Variants in SEMA4D observed in about 807,000 individuals in gnomAD.
SEMA4D encodes semaphorin-4D.
Under a neutral mutation model 74.8 loss-of-function variants are expected in SEMA4D, and 22 were observed. The observed-to-expected ratio is 0.29, with a 90% CI of 0.21 to 0.42. SEMA4D has a LOEUF of 0.42. SEMA4D is among the 10% of genes least tolerant of loss of function. The probability of loss-of-function intolerance (pLI) is 1.00; values close to 1 mark genes in which losing one functional copy is unlikely to be tolerated. For missense variants in SEMA4D, 937 were observed against 1,118.4 expected, an observed-to-expected ratio of 0.84 and a Z score of 2.31; for synonymous variants, 445 against 463.7, an observed-to-expected ratio of 0.96 and a Z score of 0.52.
chr9:89,482,054 C>A (rs938751679), intron 1 of SEMA4D, among the ~76,000 whole-genome samples: 1 of 152,182 alleles, frequency 6.6e-6, no homozygotes, highest in Non-Finnish European at 1.5e-5. Flanking sequence ...GGTCACCGCC[C>A]AGACGGGTGA....
intron 2 of SEMA4D, chr9:89,418,482 T>C: frequency 1.1e-6 from 1 of 914,772 alleles, no homozygotes. Flanking sequence ...TAGCTCCAGA[T>C]ATGTATCCTT....
chr9:89,377,102 A>G, downstream of SEMA4D: 1 of 1,495,114 alleles, frequency 6.7e-7, no homozygotes, highest in East Asian at 2.5e-5. Flanking sequence ...AGAAGTCGCC[A>G]GGAGCACGTC....
At chr9:89,491,743 T>G (rs1052762278) in intron 1 of SEMA4D, among the ~76,000 whole-genome samples, 8 of 151,524 alleles carry the variant, frequency 5.3e-5, no homozygotes, top group Non-Finnish European at 2.9e-5. Flanking sequence ...GAACTGAGAG[T>G]CAGTGTTGCA....
intron 2 of SEMA4D, among the ~76,000 whole-genome samples, chr9:89,451,568 T>TA (rs1246581524): frequency 6.6e-6 from 1 of 151,926 alleles, no homozygotes; most frequent in East Asian, 1.9e-4. Flanking sequence ...ACCAGAGGAG[T>TA]AGACTGACTG....
chr9:89,368,856 G>C (rs900115237), intron 16 of SEMA4D: 1 of 152,272 alleles, frequency 6.6e-6, no homozygotes. Flanking sequence ...AGGGACCTGA[G>C]AAAGTACCAC....
At chr9:89,476,252 C>T (rs1166838751) in intron 1 of SEMA4D, among the ~76,000 whole-genome samples, 1 of 151,910 alleles carries the variant, frequency 6.6e-6, no homozygotes, top group African/African-American at 2.4e-5. Flanking sequence ...AGCAAGCTCA[C>T]ACACCTTACC....
In SEMA4D at chr9:89,387,685, G is replaced by A. The variant is rs539898267; in HGVS notation, c.1108-77C>T. The A allele has an allele frequency of 8.4e-5, 107 of 1,270,388 alleles. No individual in the cohort carries two copies. The African/African-American group carries it at 1.2e-3, about 15-fold the overall frequency. The allele number at this position is 1,270,388 out of a possible 1,614,324, so 78.7% of individuals were successfully genotyped here. ...GGGTGCTTCCACACAAGCAGCCAAC[G>A]CAGGGGGGGCTGCAAAACCTGGAAA... is the stretch of plus-strand genomic sequence containing the variant. On this transcript the variant is annotated intron_variant, in intron 11 of 15. Transcript: ENST00000422704.
chr9:89,406,207 A>G (rs988476630), intron 2 of SEMA4D, among the ~76,000 whole-genome samples: 1 of 152,196 alleles, frequency 6.6e-6, no homozygotes, highest in Non-Finnish European at 1.5e-5. Context: ...ATGCGCACAC[A>G]TATGTACACA....
At chr9:89,418,783 G>A (rs1846250007) in intron 2 of SEMA4D, 1 of 152,234 alleles carries the variant, frequency 6.6e-6, no homozygotes, top group Non-Finnish European at 1.5e-5. Context: ...CAGACGCTCA[G>A]GAGCCGACGC....
At chr9:89,442,966 G>A (rs1013886859) in intron 2 of SEMA4D, among the ~76,000 whole-genome samples, 2 of 152,212 alleles carry the variant, frequency 1.3e-5, no homozygotes, top group Non-Finnish European at 2.9e-5. Context: ...GGCCTTCACT[G>A]GGGCTAGAGC....
chr9:89,476,903 G>A (rs913720475), intron 1 of SEMA4D, among the ~76,000 whole-genome samples: 2 of 152,066 alleles, frequency 1.3e-5, no homozygotes, highest in Non-Finnish European at 2.9e-5. Context: ...TATTTGGCTG[G>A]GATACTGGGC....
chr9:89,362,306 T>A (rs748439930), exon 19 of SEMA4D: 1 of 1,605,772 alleles, frequency 6.2e-7, no homozygotes, highest in Non-Finnish European at 8.5e-7. Flanking sequence ...CAGTTCACAG[T>A]TGTGGGGGAC....
Position 89,443,520 on chromosome 9 carries a change from A to C in SEMA4D, c.-244+12368T>G, listed in dbSNP as rs116862888. Among the ~76,000 whole-genome samples, 21 of 152,334 alleles carry C rather than the reference A, an allele frequency of 1.4e-4. No homozygotes were observed. In the East Asian group the frequency reaches 4.1e-3, roughly 29 times the overall value. On this transcript the variant is annotated intron_variant, in intron 2 of 15. Coordinates refer to ENST00000422704, the MANE Select transcript of SEMA4D (RefSeq NM_001371194.2). ...AGCACAGCGTGGACTCCACCCGCCC[A>C]TAATAGCCACCCGGGAAGCAGGTCC...
chr9:89,485,811 AAAAG>A (rs1564008267), intron 1 of SEMA4D, among the ~76,000 whole-genome samples: 2 of 109,692 alleles, frequency 1.8e-5, no homozygotes, highest in Non-Finnish European at 4.3e-5. Flanking sequence ...AAAAAAAAAA[AAAAG>A]AAAAAAAAAA....
At chr9:89,365,966 A>G (rs1396808325) in intron 16 of SEMA4D, among the ~76,000 whole-genome samples, 2 of 152,230 alleles carry the variant, frequency 1.3e-5, no homozygotes, top group Non-Finnish European at 2.9e-5. Flanking sequence ...CAGGATCACC[A>G]GAGAATGCTC....
At chr9:89,469,871 C>T (rs1859742431) in intron 1 of SEMA4D, among the ~76,000 whole-genome samples, 1 of 152,178 alleles carries the variant, frequency 6.6e-6, no homozygotes, top group South Asian at 2.1e-4. Flanking sequence ...GCTCTCACTA[C>T]TTCTCAACAT....
chr9:89,389,895 G>C (rs1335612467), intron 9 of SEMA4D, among the ~76,000 whole-genome samples: 1 of 152,182 alleles, frequency 6.6e-6, no homozygotes, highest in Non-Finnish European at 1.5e-5. Context: ...GTGGCTTTCA[G>C]GTCACGGGCA....
Position 89,381,455 on chromosome 9 carries a change from G to A in SEMA4D, c.1447-109C>T, listed in dbSNP as rs1837040528. ...GAAGCAGCCAGAGTGTACCTTCAGG[G>A]GACATTGCAGTAAGGAGGAGAGGTA... is the stretch of plus-strand genomic sequence containing the variant. On this transcript the variant is annotated intron_variant, in intron 13 of 15. Transcript: ENST00000422704. The surrounding 1 kb of genome is among the most constrained non-coding windows in gnomAD (Gnocchi z 4.6). 2 of 1,078,990 alleles carry A rather than the reference G, an allele frequency of 1.9e-6. No individual in the cohort carries two copies. Among genetic ancestry groups the A allele is most frequent in the East Asian group, 2.6e-5 (1 of 38,088 alleles). The allele number at this position is 1,078,990 out of a possible 1,614,324, so 66.8% of individuals were successfully genotyped here.
chr9:89,458,684 CACAT>C (rs977042385), intron 1 of SEMA4D, among the ~76,000 whole-genome samples: 5 of 152,134 alleles, frequency 3.3e-5, no homozygotes, highest in African/African-American at 9.7e-5. Context: ...TACAGAGACA[CACAT>C]ACATACACAT....
Sources: gnomAD v4.1 joint callset for allele counts (sites outside exome capture counted in the v4.1 genomes callset) on GRCh38, gnomAD v4.1.1 for gene constraint, Gnocchi (gnomAD v3.1) non-coding constraint, MANE v1.5 for transcripts, NCBI Gene and HGNC (gene_info 2026-07-23, HGNC 2026-07-21) for gene names.